INPP5F: variants seen among roughly 807,000 people sequenced by gnomAD.
INPP5F encodes inositol polyphosphate-5-phosphatase F, also known as phosphatidylinositide 4-phosphatase SAC2.
INPP5F carries 97 observed loss-of-function variants against 137.2 expected under a neutral mutation model. That is an observed-to-expected ratio of 0.71 (90% CI 0.60 to 0.84). The LOEUF (loss-of-function observed/expected upper bound fraction) is 0.84, where lower values mean the gene tolerates loss of function less well. Among genes scored for constraint, INPP5F ranks in the 40% least tolerant of loss-of-function variants. The pLI is 0.00. For synonymous variants in INPP5F, 504 were observed against 476.9 expected (o/e 1.06, Z -0.74); for missense variants, 1,271 against 1,371.9 (o/e 0.93, Z 1.16).
rs768660395 is a variant in INPP5F, at chr10:119,829,066, GTTAT to G, written c.*1292_*1295del. 11 of 152,180 alleles carry G rather than the reference GTTAT, an allele frequency of 7.2e-5. No individual in the cohort carries two copies. The highest frequency in any genetic ancestry group is 4.2e-4 in the South Asian group (2 of 4,816). 9.4% of individuals were successfully genotyped at this position (152,180 alleles called of 1,614,324 possible). A position where few individuals can be genotyped will look rare whatever the true frequency, so the allele number is the denominator to read the frequency against. ...TTACTTTGATAAGCATTCCACTTTT[GTTAT>G]TTATTAGTGCTATCTTTTTTTTTTA... On this transcript the variant is annotated 3_prime_UTR_variant, in exon 20 of 20. Transcript: ENST00000650623.
At chr10:119,788,312 AT>A (rs1849997644) in intron 3 of INPP5F, among the ~76,000 whole-genome samples, 1 of 152,168 alleles carries the variant, frequency 6.6e-6, no homozygotes, top group African/African-American at 2.4e-5. Context: ...AGTAGTTAAA[AT>A]TAGGAAAGAA....
At chr10:119,755,482 C>T (rs1338527589) in intron 2 of INPP5F, among the ~76,000 whole-genome samples, 1 of 152,208 alleles carries the variant, frequency 6.6e-6, no homozygotes, top group Non-Finnish European at 1.5e-5. Context: ...AAGACCCTGT[C>T]TCTAAATATA....
Position 119,827,250 on chromosome 10 carries a change from G to A in INPP5F, c.2869G>A (p.Asp957Asn). 1 of 1,614,112 alleles carries A rather than the reference G, an allele frequency of 6.2e-7. No homozygotes were observed. ...HILTGFAKPM[D>N]IYCHRFVQDA... ...ATTGACTGGCTTTGCCAAGCCTATG[G>A]ATATTTACTGCCACAGATTTGTGCA... is the stretch of plus-strand genomic sequence containing the variant. Residue 957 changes from aspartate to asparagine, a missense_variant, in exon 20 of 20, where the codon GAT becomes AAT. Asp to Asn is a conservative substitution (Grantham distance 23). This residue lies in a region of INPP5F where 490 missense variants were observed against 443.7 expected (regional missense o/e 1.10). Coordinates refer to ENST00000650623, the MANE Select transcript of INPP5F (RefSeq NM_014937.4).
rs1851868324 is a variant in INPP5F, at chr10:119,828,591, A to G, written c.*811A>G. ...CGACATCTTATGTAGATGATCCACA[A>G]CTTCAAAATTTAGTCTGGGCCTAGT... On this transcript the variant is annotated 3_prime_UTR_variant, in exon 20 of 20. Transcript: ENST00000650623. 6.6e-6 allele frequency: 1 copy of G among 152,234 alleles called. No homozygotes were observed. Among genetic ancestry groups the G allele is most frequent in the Non-Finnish European group, 1.5e-5 (1 of 68,062 alleles). 9.4% of individuals were successfully genotyped at this position (152,234 alleles called of 1,614,324 possible). A position where few individuals can be genotyped will look rare whatever the true frequency, so the allele number is the denominator to read the frequency against.
chr10:119,783,634 A>G (rs1451237943), intron 3 of INPP5F, among the ~76,000 whole-genome samples: 1 of 152,232 alleles, frequency 6.6e-6, no homozygotes, highest in African/African-American at 2.4e-5. Flanking sequence ...AGGAACTAAC[A>G]TTTACATGGA....
chr10:119,804,432 C>T, intron 10 of INPP5F, 135 bp downstream of exon 10: 2 of 757,466 alleles, frequency 2.6e-6, no homozygotes, highest in South Asian at 5.1e-5. Flanking sequence ...GGGTATCATT[C>T]ATTTACTTTG....
chr10:119,726,581 G>T (rs966765942), intron 1 of INPP5F, among the ~76,000 whole-genome samples: 1 of 152,228 alleles, frequency 6.6e-6, no homozygotes, highest in Non-Finnish European at 1.5e-5. Context: ...AGCAGAAGGG[G>T]CTGGCGACCC....
chr10:119,747,291 TC>T lies in INPP5F; in HGVS notation c.98-3784del, dbSNP rs1012173359. 4.7e-4 allele frequency among the ~76,000 whole-genome samples: 71 copies of T among 152,044 alleles called. 1 individual carries two copies. Among genetic ancestry groups the T allele is most frequent in the African/African-American group, 1.6e-3 (68 of 41,452 alleles). On this transcript the variant is annotated intron_variant, in intron 1 of 19. Transcript: ENST00000650623. ...CAGGCTGGAGTGCAGTGGTATGATC[TC>T]AGTTCACTGCAGCCTCCACTCCTGG...
chr10:119,799,184 C>G (rs1850498457), intron 9 of INPP5F: 2 of 226,606 alleles, frequency 8.8e-6, no homozygotes, highest in African/African-American at 2.3e-5. Context: ...AGGTGAGATA[C>G]AAGTTCAATG....
intron 14 of INPP5F, among the ~76,000 whole-genome samples, chr10:119,811,500 CT>C (rs1312762585): frequency 6.6e-6 from 1 of 152,158 alleles, no homozygotes; most frequent in Non-Finnish European, 1.5e-5. Flanking sequence ...TAGGGGTTAT[CT>C]TTTCACTTTT....
At chr10:119,734,366 C>T (rs1015906188) in intron 1 of INPP5F, among the ~76,000 whole-genome samples, 2 of 152,174 alleles carry the variant, frequency 1.3e-5, no homozygotes, top group African/African-American at 4.8e-5. Context: ...TTGGGTGATG[C>T]ATTATGAATG....
At chr10:119,728,271 G>A (rs1257795379) in intron 1 of INPP5F, among the ~76,000 whole-genome samples, 1 of 152,194 alleles carries the variant, frequency 6.6e-6, no homozygotes, top group East Asian at 1.9e-4. Flanking sequence ...ATCTTAAGGT[G>A]TTCAGGATAG....
chr10:119,761,503 T>C (rs1849007952), intron 2 of INPP5F, among the ~76,000 whole-genome samples: 1 of 152,080 alleles, frequency 6.6e-6, no homozygotes, highest in Non-Finnish European at 1.5e-5. Flanking sequence ...ACTTGATGTG[T>C]GTTGTTCCCT....
Position 119,827,879 on chromosome 10 carries a change from A to G in INPP5F, c.*99A>G, listed in dbSNP as rs780252225. ...TGTACTGTCTGAACCCAGGGATCAC[A>G]AATTCTGTTCATTGGAAAGGGTTTT... On this transcript the variant is annotated 3_prime_UTR_variant, in exon 20 of 20. Coordinates refer to ENST00000650623, the MANE Select transcript of INPP5F (RefSeq NM_014937.4). The G allele has an allele frequency of 2.4e-4, 227 of 930,826 alleles. No individual in the cohort carries two copies. Among genetic ancestry groups the G allele is most frequent in the Non-Finnish European group, 3.4e-4 (213 of 621,544 alleles). The allele number at this position is 930,826 out of a possible 1,614,324, so 57.7% of individuals were successfully genotyped here.
At chr10:119,796,510 TA>T (rs1243964265) in intron 6 of INPP5F, among the ~76,000 whole-genome samples, 1 of 152,218 alleles carries the variant, frequency 6.6e-6, no homozygotes, top group Non-Finnish European at 1.5e-5. Flanking sequence ...GCCTGGCTCT[TA>T]GGCTGTGTTC....
intron 3 of INPP5F, 47 bp from the exon 4 acceptor site, chr10:119,791,470 A>C (rs1417604922): frequency 6.8e-7 from 1 of 1,478,246 alleles, no homozygotes; most frequent in Non-Finnish European, 9.3e-7. Flanking sequence ...CGAACATTTA[A>C]CAAACAGGTA....
intron 3 of INPP5F, among the ~76,000 whole-genome samples, chr10:119,790,269 T>C (rs760332277): frequency 5.3e-5 from 8 of 152,162 alleles, no homozygotes; most frequent in Non-Finnish European, 1.0e-4. Context: ...TCTTCTCTCC[T>C]TCCGTGTCAC....
In INPP5F at chr10:119,823,046, T is replaced by G. The variant is rs779491374; in HGVS notation, c.2033-25T>G. 3.8e-6 allele frequency: 6 copies of G among 1,598,698 alleles called. No individual in the cohort carries two copies. The Admixed American group carries it at 1.1e-4, about 28-fold the overall frequency. On this transcript the variant is annotated intron_variant, in intron 17 of 19. Transcript: ENST00000650623. ...AAATGTTATGTGAAACATTTAACTTTATACGTATTCATTTGGGATTTTAGG... is the reference window on the plus strand; with the variant it reads ...AAATGTTATGTGAAACATTTAACTTGATACGTATTCATTTGGGATTTTAGG...
intron 1 of INPP5F, among the ~76,000 whole-genome samples, chr10:119,740,624 C>A (rs657611): frequency 1.3e-5 from 2 of 152,090 alleles, no homozygotes; most frequent in East Asian, 3.9e-4. Context: ...CTCACTGCAA[C>A]CTCCGCCTTC....
Sources: allele counts gnomAD v4.1 joint callset (sites outside exome capture counted in the v4.1 genomes callset), GRCh38; gene constraint gnomAD v4.1.1; regional missense constraint gnomAD v4.1.1; transcripts MANE v1.5; gene names NCBI Gene and HGNC (gene_info 2026-07-23, HGNC 2026-07-21).